Variants in NRXN3 observed in about 807,000 individuals in gnomAD.
The protein encoded by NRXN3 is neurexin III.
A neutral mutation model predicts 137.6 loss-of-function variants in NRXN3; 32 were observed. That is an observed-to-expected ratio of 0.23 (90% CI 0.18 to 0.31). The LOEUF (loss-of-function observed/expected upper bound fraction) is 0.31. NRXN3 is among the 10% of genes least tolerant of loss of function. NRXN3 has a pLI of 1.00. For missense variants in NRXN3, 1,574 were observed against 2,062.5 expected (o/e 0.76, Z 4.59); for synonymous variants, 798 against 784.5 (o/e 1.02, Z -0.29).
At chr14:79,595,936 A>G (rs1321949394) in intron 16 of NRXN3, among the ~76,000 whole-genome samples, 2 of 152,148 alleles carry the variant, frequency 1.3e-5, no homozygotes, top group African/African-American at 2.4e-5. Flanking sequence ...TGTCAATCCA[A>G]GGCTGAGGAT....
At chr14:79,001,222 A>G (rs1442151760) in intron 15 of NRXN3, among the ~76,000 whole-genome samples, 1 of 152,154 alleles carries the variant, frequency 6.6e-6, no homozygotes, top group Admixed American at 6.5e-5. Flanking sequence ...AGTCCTTGAC[A>G]GTCTTTGAGC....
Position 78,645,437 on chromosome 14 carries a change from A to G in NRXN3, c.1059+16A>G. The G allele has an allele frequency of 2.6e-6, 4 of 1,555,518 alleles. No homozygotes were observed. Among genetic ancestry groups the G allele is most frequent in the Non-Finnish European group, 3.5e-6 (4 of 1,155,646 alleles). On this transcript the variant is annotated intron_variant, in intron 5 of 20. Transcript: ENST00000335750. ...CCTCCGGCAGGTAATGGCTGAGGGG[A>G]GAGAATTCCTGGAAGGCTCATCTTA...
intron 15 of NRXN3, among the ~76,000 whole-genome samples, chr14:79,423,338 T>C (rs959881069): frequency 2.0e-5 from 3 of 152,232 alleles, no homozygotes; most frequent in Non-Finnish European, 4.4e-5. Context: ...ATTATATATC[T>C]CTTTTGGTTT....
At chr14:79,768,509 G>T (rs2099064486) in intron 19 of NRXN3, among the ~76,000 whole-genome samples, 1 of 152,148 alleles carries the variant, frequency 6.6e-6, no homozygotes, top group Admixed American at 6.5e-5. Flanking sequence ...CCCAGCAGGG[G>T]CAGACTGACA....
chr14:78,728,658 G>A (rs1372807505), intron 8 of NRXN3, among the ~76,000 whole-genome samples: 26 of 152,162 alleles, frequency 1.7e-4, no homozygotes, highest in Non-Finnish European at 2.9e-5. Flanking sequence ...AGTGCTTTGG[G>A]AGATAGAGGT....
chr14:78,657,884 G>T (rs142854034), intron 6 of NRXN3, among the ~76,000 whole-genome samples: 72 of 152,028 alleles, frequency 4.7e-4, no homozygotes, highest in African/African-American at 1.6e-3. Flanking sequence ...TGTCTTGCTT[G>T]CTGTCTCTTG....
chr14:79,526,790 C>G (rs376623509), intron 16 of NRXN3, among the ~76,000 whole-genome samples: 3 of 152,048 alleles, frequency 2.0e-5, no homozygotes, highest in Non-Finnish European at 4.4e-5. Context: ...ACGTGAGAGA[C>G]ACTTATTGGA....
intron 6 of NRXN3, among the ~76,000 whole-genome samples, chr14:78,664,338 T>C (rs900088539): frequency 6.6e-6 from 1 of 152,196 alleles, no homozygotes; most frequent in Admixed American, 6.5e-5. Flanking sequence ...TCCCCTCCTC[T>C]CTTGCCTCTT....
At chr14:79,798,273 A>G (rs570512836) in intron 19 of NRXN3, among the ~76,000 whole-genome samples, 1 of 152,316 alleles carries the variant, frequency 6.6e-6, no homozygotes, top group African/African-American at 2.4e-5. Context: ...GTCAATAGGT[A>G]TTAGGTAATT....
chr14:79,472,784 A>G (rs1200480500), intron 16 of NRXN3, among the ~76,000 whole-genome samples: 2 of 152,124 alleles, frequency 1.3e-5, no homozygotes, highest in African/African-American at 4.8e-5. Flanking sequence ...CTTCATTTAT[A>G]CAACAGGGAA....
chr14:79,249,779 T>A (rs1460794859), intron 15 of NRXN3, among the ~76,000 whole-genome samples: 1 of 152,166 alleles, frequency 6.6e-6, no homozygotes, highest in Non-Finnish European at 1.5e-5. Context: ...GCCTTTCTAG[T>A]GGGCAGAGAA....
intron 15 of NRXN3, among the ~76,000 whole-genome samples, chr14:79,111,477 G>A (rs1005716385): frequency 1.3e-5 from 2 of 152,140 alleles, no homozygotes; most frequent in African/African-American, 2.4e-5. Context: ...AGTGGCTCAT[G>A]CCTGTAATCC....
chr14:78,718,296 A>T (rs560986917), intron 8 of NRXN3, among the ~76,000 whole-genome samples: 1 of 152,300 alleles, frequency 6.6e-6, no homozygotes, highest in South Asian at 2.1e-4. Context: ...GGGTGAGTCC[A>T]TTGGTATAAC....
intron 19 of NRXN3, among the ~76,000 whole-genome samples, chr14:79,804,385 G>T (rs2140585431): frequency 6.6e-6 from 1 of 152,078 alleles, no homozygotes; most frequent in East Asian, 1.9e-4. Context: ...AGATTCCCTG[G>T]GACTGGGGAG....
At chr14:79,390,304 G>A (rs533108035) in intron 15 of NRXN3, among the ~76,000 whole-genome samples, 14 of 141,744 alleles carry the variant, frequency 9.9e-5, no homozygotes, top group African/African-American at 1.3e-4. Flanking sequence ...GCAGCAGAGC[G>A]AGACTCTGTC....
chr14:79,021,682 T>A (rs2099589916), intron 15 of NRXN3, among the ~76,000 whole-genome samples: 1 of 152,184 alleles, frequency 6.6e-6, no homozygotes, highest in Non-Finnish European at 1.5e-5. Flanking sequence ...ACTGTGGTTT[T>A]TTAATTCTGA....
intron 19 of NRXN3, among the ~76,000 whole-genome samples, chr14:79,722,935 C>T (rs2098850391): frequency 6.6e-6 from 1 of 152,090 alleles, no homozygotes; most frequent in Admixed American, 6.5e-5. Flanking sequence ...AGTTTTCTTT[C>T]CTTGGAGTTT....
At chr14:79,713,097 G>A (rs1234698137) in intron 19 of NRXN3, among the ~76,000 whole-genome samples, 1 of 151,440 alleles carries the variant, frequency 6.6e-6, no homozygotes, top group East Asian at 1.9e-4. Flanking sequence ...AATGTTTTTG[G>A]GCATCCAATG....
At chr14:79,529,897 G>T (rs904961465) in intron 16 of NRXN3, among the ~76,000 whole-genome samples, 2 of 152,112 alleles carry the variant, frequency 1.3e-5, no homozygotes, top group African/African-American at 4.8e-5. Flanking sequence ...GCCAGCCTAT[G>T]TTCATTCTCA....
Sources: gnomAD v4.1 joint callset for allele counts (sites outside exome capture counted in the v4.1 genomes callset) on GRCh38, gnomAD v4.1.1 for gene constraint, MANE v1.5 for transcripts, NCBI Gene and HGNC (gene_info 2026-07-23, HGNC 2026-07-21) for gene names.